THSD4: variants seen among roughly 807,000 people sequenced by gnomAD.
THSD4 encodes the protein thrombospondin type-1 domain-containing protein 4.
A neutral mutation model predicts 119.0 loss-of-function variants in THSD4; 69 were observed. The ratio of observed to expected loss-of-function variants is 0.58; its 90% confidence interval spans 0.48 to 0.71. The LOEUF (loss-of-function observed/expected upper bound fraction) is 0.71. Among genes scored for constraint, THSD4 ranks in the 30% least tolerant of loss-of-function variants. The probability of loss-of-function intolerance (pLI) is 0.00; values close to 1 mark genes in which losing one functional copy is unlikely to be tolerated. For synonymous variants in THSD4, 524 were observed against 540.4 expected (o/e 0.97, Z 0.42); for missense variants, 1,393 against 1,391.1 (o/e 1.00, Z -0.02).
chr15:71,192,410 G>A (rs2043679972), intron 3 of THSD4, among the ~76,000 whole-genome samples: 2 of 151,952 alleles, frequency 1.3e-5, no homozygotes, highest in South Asian at 2.1e-4. Flanking sequence ...AAGTACCCGA[G>A]TGGCTGGGAT....
chr15:71,738,693 C>T (rs531465622), intron 11 of THSD4, among the ~76,000 whole-genome samples: 4 of 152,226 alleles, frequency 2.6e-5, no homozygotes, highest in African/African-American at 9.6e-5. Context: ...AGAACACATG[C>T]CAAGTACTGC....
At chr15:71,311,142 A>G (rs1229992941) in intron 6 of THSD4, among the ~76,000 whole-genome samples, 5 of 152,194 alleles carry the variant, frequency 3.3e-5, no homozygotes, top group African/African-American at 9.6e-5. Flanking sequence ...ACATTCCAAG[A>G]GGCCGTCAAA....
At chr15:71,332,910 G>GTTTTTTTTTTTTTTTTTTTTTTTTTT (rs1596343275) in intron 6 of THSD4, among the ~76,000 whole-genome samples, 4 of 15,422 alleles carry the variant, frequency 2.6e-4, no homozygotes, top group South Asian at 3.2e-3. Context: ...TTTTTTTTTA[G>GTTTTTTTTTTTTTTTTTTTTTTTTTT]TTCATCAGCT....
At chr15:71,426,397 G>GTGTGTGTGTGTGTGTGTGTT (rs138567389) in intron 7 of THSD4, among the ~76,000 whole-genome samples, 42 of 124,712 alleles carry the variant, frequency 3.4e-4, no homozygotes, top group African/African-American at 1.0e-3. Flanking sequence ...GTGTGTGTGT[G>GTGTGTGTGTGTGTGTGTGTT]TGTGTGTGTT....
chr15:71,170,596 G>A (rs367706415), intron 3 of THSD4, among the ~76,000 whole-genome samples: 1 of 152,106 alleles, frequency 6.6e-6, no homozygotes, highest in East Asian at 1.9e-4. Context: ...CATAAAGTAT[G>A]GGAATATAAA....
chr15:71,323,542 G>A (rs1406472080), intron 6 of THSD4, among the ~76,000 whole-genome samples: 1 of 152,186 alleles, frequency 6.6e-6, no homozygotes, highest in African/African-American at 2.4e-5. Context: ...GGGGGGTTTG[G>A]GTTCCAGGTA....
chr15:71,494,280 C>CT (rs1213396235), intron 7 of THSD4, among the ~76,000 whole-genome samples: 2 of 152,040 alleles, frequency 1.3e-5, no homozygotes, highest in Non-Finnish European at 2.9e-5. Flanking sequence ...TGAATACTAA[C>CT]TTTTTTTAAA....
At chr15:71,243,188 T>A in intron 5 of THSD4, 92 bp downstream of exon 5, 1 of 1,322,816 alleles carries the variant, frequency 7.6e-7, no homozygotes, top group Non-Finnish European at 1.0e-6. Context: ...AGCAAGGATA[T>A]GGTGTCTGGG....
At chr15:71,464,422 G>A (rs1176273015) in intron 7 of THSD4, among the ~76,000 whole-genome samples, 1 of 152,036 alleles carries the variant, frequency 6.6e-6, no homozygotes, top group African/African-American at 2.4e-5. Flanking sequence ...TCCCTGACTG[G>A]TAACAATGAG....
In THSD4 at chr15:71,365,768, T is replaced by C. The variant is rs374014822; in HGVS notation, c.1016-45919T>C. On this transcript the variant is annotated intron_variant, in intron 6 of 17. Coordinates refer to ENST00000261862, the MANE Select transcript of THSD4 (RefSeq NM_024817.3). ...TCTCTCATTGTCCCCTTAAAAGTAA[T>C]TTAGTAGGAGAAGTTATTTCACTGT... Among the ~76,000 whole-genome samples, 12 of 152,232 alleles carry C rather than the reference T, an allele frequency of 7.9e-5. No homozygotes were observed. In the East Asian group the frequency reaches 1.2e-3, roughly 15 times the overall value.
At chr15:71,304,249 G>A (rs1180278216) in intron 6 of THSD4, among the ~76,000 whole-genome samples, 1 of 152,046 alleles carries the variant, frequency 6.6e-6, no homozygotes, top group Admixed American at 6.5e-5. Context: ...GACCAGCTGG[G>A]CCTTTGCTCA....
chr15:71,435,831 C>T (rs1224193879), intron 7 of THSD4, among the ~76,000 whole-genome samples: 5 of 152,192 alleles, frequency 3.3e-5, no homozygotes, highest in African/African-American at 9.6e-5. Context: ...TTTCCCAGCA[C>T]TAACCAGGCA....
chr15:71,338,364 A>G (rs995121260), intron 6 of THSD4, among the ~76,000 whole-genome samples: 2 of 149,500 alleles, frequency 1.3e-5, no homozygotes, highest in East Asian at 4.0e-4. Context: ...CATGATAAAC[A>G]CTCTTTGGAC....
At chr15:71,217,389 A>C (rs2043942018) in intron 4 of THSD4, among the ~76,000 whole-genome samples, 1 of 152,096 alleles carries the variant, frequency 6.6e-6, no homozygotes, top group African/African-American at 2.4e-5. Context: ...AGGCCAAGGC[A>C]GGCAGATCAC....
At chr15:71,135,949 A>G (rs2040547223) in intron 1 of THSD4, among the ~76,000 whole-genome samples, 2 of 128,854 alleles carry the variant, frequency 1.6e-5, no homozygotes, top group Admixed American at 7.9e-5. Flanking sequence ...GGGTTTGTTC[A>G]TTCCCCAAAC....
At chr15:71,316,803 G>A (rs2045192555) in intron 6 of THSD4, among the ~76,000 whole-genome samples, 1 of 152,188 alleles carries the variant, frequency 6.6e-6, no homozygotes, top group African/African-American at 2.4e-5. Flanking sequence ...GAACACAAAT[G>A]TAATGGATCT....
At chr15:71,251,668 A>G (rs574368583) in intron 5 of THSD4, among the ~76,000 whole-genome samples, 1 of 152,312 alleles carries the variant, frequency 6.6e-6, no homozygotes, top group Non-Finnish European at 1.5e-5. Context: ...TATCTGACGC[A>G]GGCAGCCTTC....
At position 71,311,385 on chromosome 15, in the gene THSD4, G is replaced by C. The variant is rs115760666; in HGVS notation, c.1015+54670G>C. 6.6e-3 allele frequency among the ~76,000 whole-genome samples: 1,012 copies of C among 152,274 alleles called. 9 individuals are homozygous for C. Among genetic ancestry groups the C allele is most frequent in the African/African-American group, 0.023 (952 of 41,558 alleles). On this transcript the variant is annotated intron_variant, in intron 6 of 17. Coordinates refer to ENST00000261862, the MANE Select transcript of THSD4 (RefSeq NM_024817.3). Reference sequence around the variant, plus strand: ...GGATAGCCATGAGCTCAGCTAAAAAGTCTATTGTTTTGGAAGATAATGGGT... The same window carrying C: ...GGATAGCCATGAGCTCAGCTAAAAACTCTATTGTTTTGGAAGATAATGGGT...
At position 71,393,973 on chromosome 15, in the gene THSD4, A is replaced by G. The variant is rs1164689900; in HGVS notation, c.1016-17714A>G. ...ATTAAGACCCATTGTAGTTAAGAAT[A>G]TAATTGAGTTACATAGAAAAATGTG... On this transcript the variant is annotated intron_variant, in intron 6 of 17. Transcript: ENST00000261862. Among the ~76,000 whole-genome samples the G allele has an allele frequency of 8.5e-5, 13 of 152,230 alleles. No individual in the cohort carries two copies. The East Asian group carries it at 2.5e-3, about 29-fold the overall frequency.
Sources: gnomAD v4.1 joint callset for allele counts (sites outside exome capture counted in the v4.1 genomes callset) on GRCh38, gnomAD v4.1.1 for gene constraint, MANE v1.5 for transcripts, NCBI Gene and HGNC (gene_info 2026-07-23, HGNC 2026-07-21) for gene names.